The following ZNF469 variants were observed in gnomAD, a reference collection of about 807,000 sequenced individuals.
ZNF469 encodes zinc finger protein 469.
In ZNF469, 1 loss-of-function variant was observed where a neutral mutation model predicts 1.0. The observed-to-expected ratio is 1.00, with a 90% confidence interval of 0.35 to 4.73. The LOEUF is 4.73. Ranked by LOEUF, ZNF469 falls within the 30% of genes most tolerant of loss-of-function variation. The probability of loss-of-function intolerance (pLI) is 0.16; values close to 1 mark genes in which losing one functional copy is unlikely to be tolerated. For missense variants in ZNF469, 6,100 were observed against 5,356.3 expected (o/e 1.14, Z -4.33); for synonymous variants, 2,703 against 2,363.4 (o/e 1.14, Z -4.17).
intron 1 of ZNF469, among the ~76,000 whole-genome samples, chr16:88,406,098 C>A (rs935695325): frequency 6.6e-6 from 1 of 152,206 alleles, no homozygotes; most frequent in Non-Finnish European, 1.5e-5. Context: ...CCGGAGCCGA[C>A]CACGCCACCA....
At chr16:88,380,671 A>G (rs1335315101), upstream of ZNF469, among the ~76,000 whole-genome samples, 1 of 135,808 alleles carries the variant, frequency 7.4e-6, no homozygotes, top group African/African-American at 2.8e-5. Context: ...ACGCCCTCAC[A>G]CAAGACATGC....
chr16:88,336,319 A>G, the ZNF469 span, among the ~76,000 whole-genome samples: 1 of 151,196 alleles, frequency 6.6e-6, no homozygotes, highest in African/African-American at 2.4e-5. Flanking sequence ...TTCATCCTTC[A>G]CGTGAGACAC....
chr16:88,187,715 A>T, the ZNF469 span, among the ~76,000 whole-genome samples: 1 of 140,200 alleles, frequency 7.1e-6, no homozygotes, highest in Admixed American at 7.0e-5. Context: ...GATTGCCTGC[A>T]TTTTTTTTTT....
At chr16:88,391,270 G>C (rs1904484859) in intron 1 of ZNF469, among the ~76,000 whole-genome samples, 1 of 152,240 alleles carries the variant, frequency 6.6e-6, no homozygotes, top group Non-Finnish European at 1.5e-5. Context: ...CGTGGAGAAA[G>C]GAAAGAGCCG....
chr16:88,435,854 C>T lies in ZNF469; in HGVS notation c.8384C>T (p.Pro2795Leu). 1 of 1,550,324 alleles carries T rather than the reference C, an allele frequency of 6.5e-7. No homozygotes were observed. Among genetic ancestry groups the T allele is most frequent in the South Asian group, 1.2e-5 (1 of 84,068 alleles). Reference sequence around the variant, plus strand: ...GAAGGTGTCTGGGAGGAGAACACGCCCCCCTTGGGCCCCCTGGGTTTTCCC... The same window carrying T: ...GAAGGTGTCTGGGAGGAGAACACGCTCCCCTTGGGCCCCCTGGGTTTTCCC... ...SEEGVWEENTPPLGPLGFPET... is the reference protein window; with the variant it reads ...SEEGVWEENTLPLGPLGFPET... Residue 2795 changes from proline (P) to leucine (L), a missense_variant, in exon 3 of 3, where the codon CCC (proline) becomes CTC (leucine). Pro to Leu is a moderately conservative substitution (Grantham distance 98). Coordinates refer to ENST00000565624, the MANE Select transcript of ZNF469 (RefSeq NM_001367624.2).
chr16:88,313,464 G>A, the ZNF469 span, among the ~76,000 whole-genome samples: 1 of 152,192 alleles, frequency 6.6e-6, no homozygotes, highest in Non-Finnish European at 1.5e-5. Context: ...TTCACTATCT[G>A]TAATTAAGAC....
chr16:88,268,408 G>T, the ZNF469 span, among the ~76,000 whole-genome samples: 2 of 152,122 alleles, frequency 1.3e-5, no homozygotes, highest in South Asian at 4.1e-4. Flanking sequence ...CCAGGACCCC[G>T]TGTGACACTC....
chr16:88,112,485 G>T, the ZNF469 span, among the ~76,000 whole-genome samples: 1 of 152,194 alleles, frequency 6.6e-6, no homozygotes, highest in South Asian at 2.1e-4. Context: ...TTTAACCGGG[G>T]TGAGGTGATG....
chr16:88,135,067 C>T, the ZNF469 span, among the ~76,000 whole-genome samples: 243 of 152,316 alleles, frequency 1.6e-3, 2 homozygotes, highest in Non-Finnish European at 3.0e-3. Flanking sequence ...GAAGCCAGGG[C>T]GAGGCCCCGG....
At chr16:88,137,745 T>C in the ZNF469 span, among the ~76,000 whole-genome samples, 15 of 152,232 alleles carry the variant, frequency 9.9e-5, no homozygotes, top group African/African-American at 3.6e-4. Context: ...CAAGGGGTTA[T>C]TGTAGTCTTT....
chr16:88,150,014 A>C, the ZNF469 span, among the ~76,000 whole-genome samples: 2 of 152,248 alleles, frequency 1.3e-5, no homozygotes, highest in Non-Finnish European at 2.9e-5. Context: ...CTGGGTTCAA[A>C]AAACATTTGT....
At chr16:88,242,681 G>A in the ZNF469 span, among the ~76,000 whole-genome samples, 2 of 152,264 alleles carry the variant, frequency 1.3e-5, no homozygotes, top group African/African-American at 4.8e-5. Flanking sequence ...TCCCAGGCAG[G>A]GTCCTAGGCA....
Position 88,412,793 on chromosome 16 carries a change from C to T in ZNF469, c.-191-12014C>T, listed in dbSNP as rs867883443. Among the ~76,000 whole-genome samples, 30 of 152,362 alleles carry T rather than the reference C, an allele frequency of 2.0e-4. No homozygotes were observed. The Middle Eastern group carries it at 0.01, about 52-fold the overall frequency. On this transcript the variant is annotated intron_variant, in intron 1 of 2. Transcript: ENST00000565624. ...ACACCATAAACCATGCCGACGGCTT[C>T]GGCCCACATAGTAGTTACTTGTTTT...
At chr16:88,277,423 C>T in the ZNF469 span, among the ~76,000 whole-genome samples, 3 of 142,450 alleles carry the variant, frequency 2.1e-5, no homozygotes, top group African/African-American at 8.0e-5. Flanking sequence ...TATCAGTGCA[C>T]GGTTAGTGCT....
Position 88,436,073 on chromosome 16 carries a change from G to C in ZNF469, c.8603G>C (p.Arg2868Pro). The change falls in exon 3 of 3, where the codon CGC (arginine) becomes CCC (proline). Residue 2868 changes from arginine to proline, a missense_variant. Coordinates refer to ENST00000565624, the MANE Select transcript of ZNF469 (RefSeq NM_001367624.2). The part of the protein sequence containing the change: ...SFSQLFPPGG[R>P]LTRKRNPHVY... ...TCCCAGCTCTTCCCTCCAGGCGGTC[G>C]CTTGACTAGAAAGAGGAACCCGCAT... The C allele has an allele frequency of 6.5e-7, 1 of 1,550,056 alleles. No homozygotes were observed. The highest frequency in any genetic ancestry group is 8.7e-7 in the Non-Finnish European group (1 of 1,146,974).
intron 1 of ZNF469, among the ~76,000 whole-genome samples, chr16:88,393,417 G>T (rs959090258): frequency 4.3e-4 from 65 of 152,242 alleles, no homozygotes; most frequent in African/African-American, 1.5e-3. Flanking sequence ...GGATGTCTGG[G>T]CTGTGTTTAT....
At chr16:88,385,466 T>C (rs2092534854) in intron 1 of ZNF469, among the ~76,000 whole-genome samples, 1 of 151,738 alleles carries the variant, frequency 6.6e-6, no homozygotes, top group Non-Finnish European at 1.5e-5. Flanking sequence ...TGAGACCCCA[T>C]CTCTACTAAA....
the ZNF469 span, among the ~76,000 whole-genome samples, chr16:88,118,997 A>C: frequency 1.3e-5 from 2 of 152,172 alleles, no homozygotes; most frequent in Non-Finnish European, 2.9e-5. Context: ...CCCCAAGACA[A>C]TGAGAGGCAG....
chr16:88,352,746 C>A, the ZNF469 span, among the ~76,000 whole-genome samples: 2 of 152,228 alleles, frequency 1.3e-5, no homozygotes, highest in East Asian at 3.8e-4. Context: ...GGTCTTCTCT[C>A]CCCTCTTCTC....
Sources: allele counts gnomAD v4.1 joint callset (sites outside exome capture counted in the v4.1 genomes callset), GRCh38; gene constraint gnomAD v4.1.1; transcripts MANE v1.5; gene names NCBI Gene and HGNC (gene_info 2026-07-23, HGNC 2026-07-21).